The following ZNF717 variants were observed in gnomAD, a reference collection of about 807,000 sequenced individuals.
ZNF717 encodes the protein zinc finger protein 717.
In ZNF717, 9 loss-of-function variants were observed where a neutral mutation model predicts 13.8. The observed-to-expected ratio is 0.65, with a 90% CI of 0.39 to 1.14. The LOEUF (loss-of-function observed/expected upper bound fraction) is 1.14. ZNF717 is among the 50% of genes most tolerant of loss of function. The pLI, the probability that ZNF717 is intolerant of heterozygous loss-of-function variation, is 0.01. For synonymous variants in ZNF717, 327 were observed against 364.1 expected, an observed-to-expected ratio of 0.90 and a Z score of 1.16; for missense variants, 1,040 against 1,080.7, an observed-to-expected ratio of 0.96 and a Z score of 0.53.
In ZNF717 at chr3:75,717,817, A is replaced by G. The variant is rs78861663; in HGVS notation, n.545-1276T>C. On this transcript the variant is annotated intron_variant and non_coding_transcript_variant, in intron 4 of 5. Transcript: ENST00000491507. ...CTTGTGGGATTTGTTTGCTTCCAGCATAACAGATGAATTTTTCTCCAGCAA... is the reference window on the plus strand; with the variant it reads ...CTTGTGGGATTTGTTTGCTTCCAGCGTAACAGATGAATTTTTCTCCAGCAA... Among the ~76,000 whole-genome samples the G allele has an allele frequency of 7.2e-5, 11 of 152,342 alleles. No individual in the cohort carries two copies. The East Asian group carries it at 1.7e-3, about 24-fold the overall frequency.
rs1939779711 is a variant in ZNF717, at chr3:75,738,336, T to G, written c.1287A>C (p.Glu429Asp). The G allele has an allele frequency of 4.6e-6, 7 of 1,536,376 alleles. No individual in the cohort carries two copies. Among genetic ancestry groups the G allele is most frequent in the Non-Finnish European group, 6.2e-6 (7 of 1,136,142 alleles). Reference sequence around the variant, plus strand: ...GCCTTGACTTATGGCTAAATGCTTCTTCACAATGGTCACATGCATAGGGCT... The same window carrying G: ...GCCTTGACTTATGGCTAAATGCTTCGTCACAATGGTCACATGCATAGGGCT... ...GEKPYACDHC[E>D]EAFSHKSRLT... The change falls in exon 5 of 5, where the codon GAA becomes GAC. Residue 429 changes from glutamate to aspartate, a missense_variant. By Grantham distance (45) the Glu-to-Asp change is conservative. Transcript: ENST00000652011.
At chr3:75,700,013 T>G (rs1207669464) in intron 6 of ZNF717, among the ~76,000 whole-genome samples, 21 of 152,292 alleles carry the variant, frequency 1.4e-4, no homozygotes, top group Middle Eastern at 3.4e-3. Flanking sequence ...ATTGGAAAGA[T>G]ATTTTTATGT....
intron 2 of ZNF717, among the ~76,000 whole-genome samples, chr3:75,747,358 T>C (rs201510761): frequency 3.3e-5 from 5 of 152,148 alleles, no homozygotes; most frequent in Admixed American, 6.6e-5. Flanking sequence ...TTTTTGGTTC[T>C]ATATCAACTT....
chr3:75,709,331 T>A (rs1937882840), downstream of ZNF717, among the ~76,000 whole-genome samples: 1 of 152,106 alleles, frequency 6.6e-6, no homozygotes, highest in Non-Finnish European at 1.5e-5. Context: ...AGAACTCACA[T>A]GAACTCTGGG....
downstream of ZNF717, among the ~76,000 whole-genome samples, chr3:75,709,128 A>G (rs1181280900): frequency 2.0e-5 from 3 of 151,398 alleles, no homozygotes; most frequent in Non-Finnish European, 4.4e-5. Context: ...CCTCCTGAGT[A>G]GCTGGAATTA....
intron 2 of ZNF717, among the ~76,000 whole-genome samples, chr3:75,746,008 C>T (rs3009104): frequency 0.83 from 126,680 of 152,042 alleles, 52,767 homozygotes; most frequent in East Asian, 0.89. Flanking sequence ...TATCTCCTAA[C>T]GCTATCCCAC....
chr3:75,727,635 G>A (rs1427885643), downstream of ZNF717, among the ~76,000 whole-genome samples: 4 of 152,202 alleles, frequency 2.6e-5, no homozygotes, highest in African/African-American at 9.7e-5. Flanking sequence ...ATTCCAGCCT[G>A]GTGAATTCTA....
intron 2 of ZNF717, among the ~76,000 whole-genome samples, chr3:75,748,166 A>C (rs1174102825): frequency 6.6e-6 from 1 of 152,110 alleles, no homozygotes; most frequent in Non-Finnish European, 1.5e-5. Context: ...CTCTTAATAG[A>C]CCAATAACAG....
At chr3:75,750,574 A>G (rs1941667548) in intron 2 of ZNF717, among the ~76,000 whole-genome samples, 1 of 151,310 alleles carries the variant, frequency 6.6e-6, no homozygotes, top group South Asian at 2.1e-4. Context: ...ATTCCAGAAC[A>G]CTGCTACGAG....
At chr3:75,769,514 A>G (rs1225165868) in intron 2 of ZNF717, among the ~76,000 whole-genome samples, 2 of 152,214 alleles carry the variant, frequency 1.3e-5, no homozygotes, top group Admixed American at 6.5e-5. Flanking sequence ...TTAAGCCAGC[A>G]AGGTTACTGG....
intron 2 of ZNF717, among the ~76,000 whole-genome samples, chr3:75,778,241 C>A (rs1319680402): frequency 1.3e-5 from 2 of 148,742 alleles, no homozygotes; most frequent in Non-Finnish European, 3.0e-5. Context: ...ATGGAGCTGA[C>A]GTGCTAAAAC....
intron 4 of ZNF717, among the ~76,000 whole-genome samples, chr3:75,719,738 C>T (rs1174787157): frequency 6.6e-6 from 1 of 151,996 alleles, no homozygotes; most frequent in Admixed American, 6.6e-5. Context: ...AGGTGGATCG[C>T]CTGAAGTCAG....
intron 6 of ZNF717, among the ~76,000 whole-genome samples, chr3:75,701,662 C>T (rs1179200720): frequency 6.6e-6 from 1 of 152,310 alleles, no homozygotes; most frequent in Non-Finnish European, 1.5e-5. Context: ...TGCACTCCAG[C>T]CTGGGCAACA....
intron 2 of ZNF717, among the ~76,000 whole-genome samples, chr3:75,759,860 T>C (rs62268091): frequency 0.042 from 3,933 of 92,642 alleles, no homozygotes; most frequent in Non-Finnish European, 0.057. Flanking sequence ...TAAGCCACTG[T>C]ACCCGGCAAT....
chr3:75,777,030 T>C (rs1317195872), intron 2 of ZNF717, among the ~76,000 whole-genome samples: 2 of 152,236 alleles, frequency 1.3e-5, no homozygotes, highest in African/African-American at 2.4e-5. Context: ...GATATCCCAG[T>C]AGTCGTAAGA....
intron 2 of ZNF717, among the ~76,000 whole-genome samples, chr3:75,774,091 T>C (rs1334961221): frequency 6.6e-6 from 1 of 151,986 alleles, no homozygotes; most frequent in African/African-American, 2.4e-5. Flanking sequence ...TAAGGTTTTA[T>C]GAAAAATTGG....
Position 75,739,063 on chromosome 3 carries a change from CT to C in ZNF717, c.559del (p.Arg187GlyfsTer46), listed in dbSNP as rs1302184104. On this transcript the variant is annotated frameshift_variant, in exon 5 of 5. Transcript: ENST00000652011. LOFTEE classifies it low-confidence loss of function (END_TRUNC). ...GEKPHVCDIT[R>X]RSHRHHEHLT... The stretch of plus-strand genomic sequence containing the variant: ...ATGTTCATGATGTCTGTGGGATCTC[CT>C]GGTTATATCACAGACATGAGGTTTC... The C allele has an allele frequency of 6.4e-7, 1 of 1,551,502 alleles. No homozygotes were observed. The highest frequency in any genetic ancestry group is 2.4e-5 in the East Asian group (1 of 40,918).
chr3:75,781,093 T>C (rs1944782031), intron 2 of ZNF717, among the ~76,000 whole-genome samples: 2 of 152,256 alleles, frequency 1.3e-5, no homozygotes, highest in African/African-American at 4.8e-5. Flanking sequence ...GAACTAAGTA[T>C]GGCCTGAGAA....
intron 2 of ZNF717, among the ~76,000 whole-genome samples, chr3:75,746,912 G>C (rs1941237266): frequency 6.6e-6 from 1 of 152,070 alleles, no homozygotes; most frequent in Non-Finnish European, 1.5e-5. Flanking sequence ...CATTGCTTTT[G>C]GTGTTTTAGA....
Sources: allele counts gnomAD v4.1 joint callset (sites outside exome capture counted in the v4.1 genomes callset), GRCh38; gene constraint gnomAD v4.1.1; transcripts MANE v1.5; gene names NCBI Gene and HGNC (gene_info 2026-07-23, HGNC 2026-07-21).